Variants in FAM135B observed in about 807,000 individuals in gnomAD.
FAM135B encodes family with sequence similarity 135 member B, also known as protein FAM135B.
Under a neutral mutation model 127.7 loss-of-function variants are expected in FAM135B, and 43 were observed. That is an observed-to-expected ratio of 0.34 (90% confidence interval 0.26 to 0.43). The LOEUF (loss-of-function observed/expected upper bound fraction) is 0.43, where lower values mean the gene tolerates loss of function less well. Among genes scored for constraint, FAM135B ranks in the 20% least tolerant of loss-of-function variants. FAM135B has a pLI of 1.00. For missense variants in FAM135B, 1,558 were observed against 1,725.6 expected, an observed-to-expected ratio of 0.90 and a Z score of 1.72; for synonymous variants, 670 against 665.1, an observed-to-expected ratio of 1.01 and a Z score of -0.11.
rs1314788340 is a variant in FAM135B, at chr8:138,130,069, C to T, written c.*2524G>A. The T allele has an allele frequency of 1.3e-5, 2 of 151,814 alleles. No individual in the cohort carries two copies. The highest frequency in any genetic ancestry group is 2.9e-5 in the Non-Finnish European group (2 of 67,962). The allele number at this position is 151,814 out of a possible 1,614,324, so 9.4% of individuals were successfully genotyped here. A position where few individuals can be genotyped will look rare whatever the true frequency, so the allele number is the denominator to read the frequency against. ...TTTATTTCTAACTCATTTTGGGAAA[C>T]AACAAATCATAAAAACAAAAACAAA... On this transcript the variant is annotated 3_prime_UTR_variant, in exon 20 of 20. Transcript: ENST00000395297.
chr8:138,356,798 A>G (rs963432274), intron 2 of FAM135B, among the ~76,000 whole-genome samples: 7 of 152,304 alleles, frequency 4.6e-5, no homozygotes, highest in South Asian at 4.1e-4. Flanking sequence ...CATCAGCTGA[A>G]TGGAAGATTT....
intron 1 of FAM135B, among the ~76,000 whole-genome samples, chr8:138,492,048 A>C (rs1348870979): frequency 6.6e-6 from 1 of 152,172 alleles, no homozygotes; most frequent in African/African-American, 2.4e-5. Flanking sequence ...AAAACCACAA[A>C]AGGGCTTTGA....
Position 138,195,245 on chromosome 8 carries a change from G to C in FAM135B, c.873+13C>G, listed in dbSNP as rs2131111661. 6.2e-7 allele frequency: 1 copy of C among 1,613,000 alleles called. No individual in the cohort carries two copies. The highest frequency in any genetic ancestry group is 8.5e-7 in the Non-Finnish European group (1 of 1,179,492). ...GCCATTCATTCAGACCCCAGCGCCA[G>C]TTCTCCAATTACCTGTAGCTCTGAG... On this transcript the variant is annotated intron_variant, in intron 9 of 19. Coordinates refer to ENST00000395297, the MANE Select transcript of FAM135B (RefSeq NM_015912.4).
rs1252562249 is a variant in FAM135B at position 138,265,847 on chromosome 8, A to G, written c.158-5T>C. On this transcript the variant is annotated splice_region_variant and splice_polypyrimidine_tract_variant and intron_variant, in intron 3 of 19. Transcript: ENST00000395297. ...CTGAATGCAGGCTGCTGCTCTCTGCAAAACAAGAATCAGTAGGAACCCATG... is the reference window on the plus strand; with the variant it reads ...CTGAATGCAGGCTGCTGCTCTCTGCGAAACAAGAATCAGTAGGAACCCATG... 1 of 1,612,912 alleles carries G rather than the reference A, an allele frequency of 6.2e-7. No individual in the cohort carries two copies. Among genetic ancestry groups the G allele is most frequent in the South Asian group, 1.1e-5 (1 of 91,036 alleles).
intron 3 of FAM135B, among the ~76,000 whole-genome samples, chr8:138,282,910 G>A (rs1354629523): frequency 6.6e-6 from 1 of 152,102 alleles, no homozygotes; most frequent in Non-Finnish European, 1.5e-5. Context: ...TTTTTTGTTT[G>A]TTTGTTTTTG....
At chr8:138,372,697 G>A (rs758938126) in intron 1 of FAM135B, among the ~76,000 whole-genome samples, 3 of 152,096 alleles carry the variant, frequency 2.0e-5, no homozygotes, top group Non-Finnish European at 2.9e-5. Context: ...TTCAATACGC[G>A]CAGACTATGT....
intron 2 of FAM135B, among the ~76,000 whole-genome samples, chr8:138,325,699 T>C (rs531708935): frequency 8.5e-5 from 13 of 152,316 alleles, no homozygotes; most frequent in African/African-American, 3.1e-4. Flanking sequence ...AGAATGGCTA[T>C]AACTTCTCCC....
At chr8:138,254,263 C>G (rs886410222) in intron 5 of FAM135B, among the ~76,000 whole-genome samples, 1 of 152,154 alleles carries the variant, frequency 6.6e-6, no homozygotes. Context: ...TTTGAATAAA[C>G]CAATCTCCTG....
At chr8:138,370,250 T>C (rs972542614) in intron 1 of FAM135B, among the ~76,000 whole-genome samples, 2 of 152,086 alleles carry the variant, frequency 1.3e-5, no homozygotes, top group African/African-American at 2.4e-5. Context: ...CACAGAACAT[T>C]CTTTTCTCCT....
intron 1 of FAM135B, among the ~76,000 whole-genome samples, chr8:138,386,972 G>A (rs535673474): frequency 6.6e-6 from 1 of 152,058 alleles, no homozygotes; most frequent in Non-Finnish European, 1.5e-5. Context: ...GATCATACAG[G>A]GGCCCAATCA....
chr8:138,443,782 A>G (rs1468864833), intron 1 of FAM135B, among the ~76,000 whole-genome samples: 1 of 152,200 alleles, frequency 6.6e-6, no homozygotes, highest in East Asian at 1.9e-4. Flanking sequence ...TAATGACAGG[A>G]TCAAATTCAC....
At chr8:138,463,946 A>G (rs1649499410) in intron 1 of FAM135B, among the ~76,000 whole-genome samples, 1 of 152,218 alleles carries the variant, frequency 6.6e-6, no homozygotes, top group African/African-American at 2.4e-5. Flanking sequence ...AGTATGCTGC[A>G]TTTTTGAGTT....
intron 1 of FAM135B, among the ~76,000 whole-genome samples, chr8:138,393,857 C>A (rs1410775887): frequency 6.6e-6 from 1 of 152,142 alleles, no homozygotes; most frequent in African/African-American, 2.4e-5. Flanking sequence ...ACATTCTGAT[C>A]GAGGATTTGT....
chr8:138,340,593 A>G (rs1445153837), intron 2 of FAM135B, among the ~76,000 whole-genome samples: 1 of 152,118 alleles, frequency 6.6e-6, no homozygotes. Flanking sequence ...TGACCTAGGC[A>G]TTGAGTACTA....
intron 7 of FAM135B, among the ~76,000 whole-genome samples, chr8:138,218,780 G>C (rs1330739501): frequency 9.4e-5 from 4 of 42,764 alleles, no homozygotes; most frequent in Non-Finnish European, 2.2e-4. Context: ...GAGAGAGAGA[G>C]AGAGAGAGAG....
intron 3 of FAM135B, among the ~76,000 whole-genome samples, chr8:138,275,390 T>C (rs1586943102): frequency 6.6e-6 from 1 of 152,194 alleles, no homozygotes; most frequent in Admixed American, 6.5e-5. Flanking sequence ...ATATAAAATA[T>C]AAACTAGATG....
At chr8:138,185,957 C>G (rs190359725) in intron 9 of FAM135B, among the ~76,000 whole-genome samples, 103 of 152,292 alleles carry the variant, frequency 6.8e-4, no homozygotes, top group African/African-American at 2.3e-3. Flanking sequence ...GCATCCCCAC[C>G]TGAGCTCCAC....
intron 7 of FAM135B, among the ~76,000 whole-genome samples, chr8:138,227,714 CTTTTTTTTT>C (rs761660500): frequency 3.7e-5 from 3 of 81,824 alleles, no homozygotes; most frequent in Non-Finnish European, 7.4e-5. Flanking sequence ...TTTTGTCTCT[CTTTTTTTTT>C]TTTTTTTTTT....
intron 1 of FAM135B, among the ~76,000 whole-genome samples, chr8:138,419,936 G>T (rs1247928025): frequency 2.0e-5 from 3 of 151,962 alleles, no homozygotes; most frequent in Admixed American, 6.6e-5. Context: ...AGGGGAACCA[G>T]AAAAACAAGA....
Sources: allele counts gnomAD v4.1 joint callset (sites outside exome capture counted in the v4.1 genomes callset), GRCh38; gene constraint gnomAD v4.1.1; transcripts MANE v1.5; gene names NCBI Gene and HGNC (gene_info 2026-07-23, HGNC 2026-07-21).